The following SCLT1 variants were observed in gnomAD, a reference collection of about 807,000 sequenced individuals.
The protein encoded by SCLT1 is sodium channel-associated protein 1.
SCLT1 carries 78 observed loss-of-function variants against 112.8 expected under a neutral mutation model. The observed-to-expected ratio is 0.69, with a 90% CI of 0.58 to 0.83. The LOEUF is 0.83. SCLT1 is among the 40% of genes least tolerant of loss of function. The pLI, the probability that SCLT1 is intolerant of heterozygous loss-of-function variation, is 0.00. For synonymous variants in SCLT1, 257 were observed against 254.7 expected, an observed-to-expected ratio of 1.01 and a Z score of -0.09; for missense variants, 747 against 770.4, an observed-to-expected ratio of 0.97 and a Z score of 0.36.
chr4:129,085,339 G>T (rs954662966), intron 1 of SCLT1, among the ~76,000 whole-genome samples: 1 of 152,160 alleles, frequency 6.6e-6, no homozygotes, highest in African/African-American at 2.4e-5. Context: ...AGTTAGAATG[G>T]CTATTATTAA....
chr4:129,050,298 T>C (rs1214479879), intron 2 of SCLT1, among the ~76,000 whole-genome samples: 1 of 152,236 alleles, frequency 6.6e-6, no homozygotes, highest in Admixed American at 6.5e-5. Context: ...TCTAGATCCT[T>C]GAGGAATTGC....
intron 2 of SCLT1, among the ~76,000 whole-genome samples, chr4:129,045,991 G>A (rs1033404685): frequency 1.3e-5 from 2 of 152,030 alleles, no homozygotes; most frequent in African/African-American, 4.8e-5. Context: ...GACATACCAT[G>A]AAAGAGGCAT....
chr4:129,086,918 C>T (rs1752442970), intron 1 of SCLT1, among the ~76,000 whole-genome samples: 1 of 152,148 alleles, frequency 6.6e-6, no homozygotes, highest in Non-Finnish European at 1.5e-5. Context: ...ACATGGACCA[C>T]TTTTCTGCCT....
At chr4:128,885,197 G>GA (rs566255126) in intron 20 of SCLT1, among the ~76,000 whole-genome samples, 1 of 152,006 alleles carries the variant, frequency 6.6e-6, no homozygotes, top group African/African-American at 2.4e-5. Context: ...AAGTCTAATA[G>GA]AAAAATAATC....
chr4:128,953,716 G>A (rs757133729), intron 13 of SCLT1, among the ~76,000 whole-genome samples: 3 of 150,360 alleles, frequency 2.0e-5, no homozygotes, highest in Non-Finnish European at 4.4e-5. Context: ...GGAGAATGGC[G>A]TGAACCTGGG....
At chr4:128,972,743 G>C (rs936811728) in intron 9 of SCLT1, among the ~76,000 whole-genome samples, 2 of 152,020 alleles carry the variant, frequency 1.3e-5, no homozygotes, top group African/African-American at 4.8e-5. Flanking sequence ...TCACTCATAA[G>C]ACTATTCCAG....
intron 5 of SCLT1, among the ~76,000 whole-genome samples, chr4:129,014,412 C>T (rs949111768): frequency 2.0e-5 from 3 of 152,186 alleles, no homozygotes; most frequent in Non-Finnish European, 4.4e-5. Flanking sequence ...AGGATTCTTG[C>T]ACTGATTCTT....
At chr4:128,954,915 C>CAAA (rs1739094485) in intron 13 of SCLT1, among the ~76,000 whole-genome samples, 1 of 152,156 alleles carries the variant, frequency 6.6e-6, no homozygotes, top group Non-Finnish European at 1.5e-5. Context: ...GTCGCTCTCT[C>CAAA]ACATAATTTC....
At chr4:129,062,609 G>A (rs1440255128) in intron 2 of SCLT1, among the ~76,000 whole-genome samples, 2 of 152,018 alleles carry the variant, frequency 1.3e-5, no homozygotes, top group Non-Finnish European at 2.9e-5. Flanking sequence ...GCTTTTGCTT[G>A]TCTAGGAAAA....
intron 5 of SCLT1, chr4:128,873,833 A>G (rs775887804): frequency 9.8e-5 from 15 of 152,626 alleles, no homozygotes; most frequent in Admixed American, 7.2e-4. Flanking sequence ...TCTGCAGTTA[A>G]CTTTCAAGTC....
chr4:128,963,552 AC>A (rs1739921354), intron 11 of SCLT1, among the ~76,000 whole-genome samples: 1 of 152,184 alleles, frequency 6.6e-6, no homozygotes, highest in Non-Finnish European at 1.5e-5. Flanking sequence ...GGAAAATCAT[AC>A]CTAGTCATAC....
At chr4:128,969,635 T>C (rs7655841) in intron 10 of SCLT1, among the ~76,000 whole-genome samples, 40,187 of 152,010 alleles carry the variant, frequency 0.26, 6,836 homozygotes, top group African/African-American at 0.48. Context: ...AACTTTGACC[T>C]GGGTACCTTA....
At chr4:129,002,619 C>A (rs1743609533) in intron 6 of SCLT1, among the ~76,000 whole-genome samples, 1 of 151,636 alleles carries the variant, frequency 6.6e-6, no homozygotes, top group Non-Finnish European at 1.5e-5. Flanking sequence ...AAGAAGTGGG[C>A]AAAGGAAATG....
At chr4:128,997,621 G>A (rs1225345679) in intron 8 of SCLT1, among the ~76,000 whole-genome samples, 2 of 151,756 alleles carry the variant, frequency 1.3e-5, no homozygotes, top group Admixed American at 6.6e-5. Context: ...GGAACTCACT[G>A]TCTAGATTAG....
intron 18 of SCLT1, among the ~76,000 whole-genome samples, chr4:128,923,343 G>A (rs966337338): frequency 6.6e-6 from 1 of 151,376 alleles, no homozygotes; most frequent in Admixed American, 6.6e-5. Flanking sequence ...TACTTGGGAG[G>A]CTGTGGCAGA....
intron 2 of SCLT1, among the ~76,000 whole-genome samples, chr4:129,058,751 T>A (rs1426222042): frequency 1.3e-5 from 2 of 152,168 alleles, no homozygotes; most frequent in Non-Finnish European, 2.9e-5. Context: ...AAATCTAATG[T>A]TTATTGTTTT....
chr4:128,995,699 G>A (rs1008104355), intron 8 of SCLT1, among the ~76,000 whole-genome samples: 3 of 152,000 alleles, frequency 2.0e-5, no homozygotes, highest in Non-Finnish European at 4.4e-5. Flanking sequence ...ATGAGCTGGG[G>A]GGTAGGGAAC....
intron 5 of SCLT1, among the ~76,000 whole-genome samples, chr4:129,024,961 G>C (rs1358789406): frequency 4.6e-5 from 7 of 152,186 alleles, no homozygotes; most frequent in African/African-American, 9.6e-5. Flanking sequence ...GATGGAAGAT[G>C]AAATGAATGA....
intron 2 of SCLT1, among the ~76,000 whole-genome samples, chr4:129,066,433 G>A (rs1379235593): frequency 2.6e-5 from 4 of 151,912 alleles, no homozygotes; most frequent in African/African-American, 9.7e-5. Flanking sequence ...AATGTTAAAA[G>A]GTTGTTTCAC....
Sources: gnomAD v4.1 joint callset for allele counts (sites outside exome capture counted in the v4.1 genomes callset) on GRCh38, gnomAD v4.1.1 for gene constraint, MANE v1.5 for transcripts, NCBI Gene and HGNC (gene_info 2026-07-23, HGNC 2026-07-21) for gene names.